Variants in SLC39A10 observed in about 807,000 individuals in gnomAD.
The protein encoded by SLC39A10 is solute carrier family 39 member 10, also known as zinc transporter ZIP10.
In SLC39A10, 13 loss-of-function variants were observed where a neutral mutation model predicts 65.1. The observed-to-expected ratio is 0.20, with a 90% confidence interval of 0.13 to 0.32. SLC39A10 has a LOEUF of 0.32. SLC39A10 is among the 10% of genes least tolerant of loss of function. The probability of loss-of-function intolerance (pLI) is 1.00; values close to 1 mark genes in which losing one functional copy is unlikely to be tolerated. For synonymous variants in SLC39A10, 321 were observed against 342.2 expected, an observed-to-expected ratio of 0.94 and a Z score of 0.68; for missense variants, 831 against 1,018.4, an observed-to-expected ratio of 0.82 and a Z score of 2.50.
intron 2 of SLC39A10, among the ~76,000 whole-genome samples, chr2:195,628,966 T>C (rs1688527285): frequency 6.6e-6 from 1 of 152,224 alleles, no homozygotes; most frequent in South Asian, 2.1e-4. Flanking sequence ...TATTAATATC[T>C]CAAACTTGAA....
chr2:195,705,604 CTT>C lies in SLC39A10; in HGVS notation c.1217-1011_1217-1010del, dbSNP rs563057566. On this transcript the variant is annotated intron_variant, in intron 3 of 9. Coordinates refer to ENST00000359634, the MANE Select transcript of SLC39A10 (RefSeq NM_020342.3). ...TATTTTTTCAATATTATATCACAGACTTAATATAAAGTCTTTCAGCAGATTTA... is the reference window on the plus strand; with the variant it reads ...TATTTTTTCAATATTATATCACAGACAATATAAAGTCTTTCAGCAGATTTA... Among the ~76,000 whole-genome samples, 746 of 152,014 alleles carry C rather than the reference CTT, an allele frequency of 4.9e-3. 2 individuals are homozygous for C. The highest frequency in any genetic ancestry group is 0.017 in the African/African-American group (693 of 41,400).
chr2:195,636,748 G>C (rs1688704961), intron 2 of SLC39A10, among the ~76,000 whole-genome samples: 1 of 151,730 alleles, frequency 6.6e-6, no homozygotes, highest in African/African-American at 2.4e-5. Flanking sequence ...GCAAGACTCT[G>C]TCTAAAGAAA....
At chr2:195,692,513 G>T (rs1219937803) in intron 3 of SLC39A10, among the ~76,000 whole-genome samples, 1 of 152,006 alleles carries the variant, frequency 6.6e-6, no homozygotes, top group Admixed American at 6.6e-5. Flanking sequence ...TGTCATCTAT[G>T]ATGTCTTTCA....
intron 4 of SLC39A10, among the ~76,000 whole-genome samples, chr2:195,707,219 C>A (rs1308081909): frequency 1.3e-5 from 2 of 152,122 alleles, no homozygotes; most frequent in Non-Finnish European, 2.9e-5. Context: ...GGGCATTTAT[C>A]TTTTCACCTG....
At chr2:195,640,693 A>G (rs949289069) in intron 2 of SLC39A10, among the ~76,000 whole-genome samples, 1 of 152,154 alleles carries the variant, frequency 6.6e-6, no homozygotes, top group Admixed American at 6.6e-5. Context: ...TGAATAGGTA[A>G]TTTTTCTCAC....
At chr2:195,637,392 C>T (rs1688716468) in intron 2 of SLC39A10, among the ~76,000 whole-genome samples, 1 of 152,138 alleles carries the variant, frequency 6.6e-6, no homozygotes, top group Non-Finnish European at 1.5e-5. Flanking sequence ...CAAAATATCT[C>T]ATATATTTAT....
chr2:195,696,953 G>A (rs1046076160), intron 3 of SLC39A10, among the ~76,000 whole-genome samples: 1 of 152,150 alleles, frequency 6.6e-6, no homozygotes, highest in African/African-American at 2.4e-5. Flanking sequence ...AAGTGCCTGT[G>A]TGGAATCTTT....
At position 195,713,009 on chromosome 2, in the gene SLC39A10, A is replaced by G. The variant is rs968802905; in HGVS notation, c.1576-424A>G. 2.6e-5 allele frequency among the ~76,000 whole-genome samples: 4 copies of G among 152,314 alleles called. No individual in the cohort carries two copies. In the East Asian group the frequency reaches 7.7e-4, roughly 29 times the overall value. ...ACTACAAACTTAAGATTCTCACTCA[A>G]ATTTGACTCTTCTTTACGTCACATT... On this transcript the variant is annotated intron_variant, in intron 5 of 9. Coordinates refer to ENST00000359634, the MANE Select transcript of SLC39A10 (RefSeq NM_020342.3).
At chr2:195,625,216 CAAAA>C (rs759012458) in intron 2 of SLC39A10, among the ~76,000 whole-genome samples, 1,419 of 105,482 alleles carry the variant, frequency 0.013, 24 homozygotes, top group East Asian at 0.036. Flanking sequence ...CACTCTGTCT[CAAAA>C]AAAAAGAAAG....
chr2:195,649,665 C>T (rs1349149893), intron 2 of SLC39A10, among the ~76,000 whole-genome samples: 1 of 152,212 alleles, frequency 6.6e-6, no homozygotes, highest in African/African-American at 2.4e-5. Context: ...GAAGTGTAAT[C>T]ACCCACAAAT....
upstream of SLC39A10, among the ~76,000 whole-genome samples, chr2:195,656,255 A>G (rs547331805): frequency 1.5e-4 from 23 of 152,334 alleles, no homozygotes; most frequent in South Asian, 4.6e-3. Context: ...GCCAGGAAGC[A>G]GAGTAATGAA....
intron 3 of SLC39A10, among the ~76,000 whole-genome samples, chr2:195,700,125 T>A (rs1691119564): frequency 6.6e-6 from 1 of 152,160 alleles, no homozygotes; most frequent in Admixed American, 6.5e-5. Context: ...GTAAAGTGAG[T>A]CTCTTGTATA....
chr2:195,706,843 G>T lies in SLC39A10; in HGVS notation c.1386+58G>T, dbSNP rs1039410723. ...AAAATAAAAATATTTAAGCTGAAAG[G>T]GTCCTTCATTAGCAAGCTATAGCAC... On this transcript the variant is annotated intron_variant, in intron 4 of 9. Coordinates refer to ENST00000359634, the MANE Select transcript of SLC39A10 (RefSeq NM_020342.3). 4.7e-6 allele frequency: 6 copies of T among 1,265,624 alleles called. No individual in the cohort carries two copies. The African/African-American group carries it at 7.8e-5, about 17-fold the overall frequency. 78.4% of individuals were successfully genotyped at this position (1,265,624 alleles called of 1,614,324 possible).
At chr2:195,733,254 A>G (rs887008792) in intron 9 of SLC39A10, among the ~76,000 whole-genome samples, 1 of 152,220 alleles carries the variant, frequency 6.6e-6, no homozygotes, top group African/African-American at 2.4e-5. Context: ...CCCAGAGGGT[A>G]GCATATCAGT....
chr2:195,714,654 A>G (rs1691720474), intron 6 of SLC39A10, among the ~76,000 whole-genome samples: 1 of 152,242 alleles, frequency 6.6e-6, no homozygotes, highest in African/African-American at 2.4e-5. Flanking sequence ...GGGAAAAAAC[A>G]ACATAATTTT....
At chr2:195,634,137 C>T (rs1343053271) in intron 2 of SLC39A10, among the ~76,000 whole-genome samples, 1 of 152,230 alleles carries the variant, frequency 6.6e-6, no homozygotes, top group Non-Finnish European at 1.5e-5. Context: ...ATATGTTTTA[C>T]TTATCTTACT....
chr2:195,720,921 T>C (rs1277256372), intron 8 of SLC39A10, among the ~76,000 whole-genome samples: 1 of 152,196 alleles, frequency 6.6e-6, no homozygotes, highest in African/African-American at 2.4e-5. Context: ...TTTCCTGACA[T>C]ATAAAATAGA....
chr2:195,663,183 C>T (rs571210511), intron 1 of SLC39A10, among the ~76,000 whole-genome samples: 16 of 152,202 alleles, frequency 1.1e-4, no homozygotes, highest in South Asian at 8.3e-4. Context: ...ATTTTTATGC[C>T]GCCTATGTCT....
chr2:195,643,988 A>G lies in SLC39A10; in HGVS notation c.-11-36044A>G, dbSNP rs1688859766. On this transcript the variant is annotated intron_variant, in intron 2 of 2. Coordinates refer to the SLC39A10 transcript ENST00000458054. Reference sequence around the variant, plus strand: ...TGTTGAGTACCAGCTTAGATATTGCACATATGCAGTAAATATTTAAAAGAT... The same window carrying G: ...TGTTGAGTACCAGCTTAGATATTGCGCATATGCAGTAAATATTTAAAAGAT... Among the ~76,000 whole-genome samples, 3 of 152,222 alleles carry G rather than the reference A, an allele frequency of 2.0e-5. No individual in the cohort carries two copies. The South Asian group carries it at 6.2e-4, about 31-fold the overall frequency.
Sources: gnomAD v4.1 joint callset for allele counts (sites outside exome capture counted in the v4.1 genomes callset) on GRCh38, gnomAD v4.1.1 for gene constraint, MANE v1.5 for transcripts, NCBI Gene and HGNC (gene_info 2026-07-23, HGNC 2026-07-21) for gene names.